DOCK9: variants seen among roughly 807,000 people sequenced by gnomAD.
The protein encoded by DOCK9 is dedicator of cytokinesis protein 9.
A neutral mutation model predicts 263.3 loss-of-function variants in DOCK9; 89 were observed. That is an observed-to-expected ratio of 0.34 (90% CI 0.28 to 0.40). DOCK9 has a LOEUF of 0.40. Among genes scored for constraint, DOCK9 ranks in the 10% least tolerant of loss-of-function variants. The probability of loss-of-function intolerance (pLI) is 1.00; values close to 1 mark genes in which losing one functional copy is unlikely to be tolerated. For missense variants in DOCK9, 2,140 were observed against 2,603.4 expected (o/e 0.82, Z 3.87); for synonymous variants, 976 against 973.1 (o/e 1.00, Z -0.06).
intron 19 of DOCK9, 90 bp downstream of exon 19, chr13:98,886,442 C>T: frequency 2.0e-6 from 2 of 981,610 alleles, no homozygotes; most frequent in Non-Finnish European, 3.1e-6. Context: ...TAATATGCAG[C>T]TTCTCTTGAA....
intron 35 of DOCK9, among the ~76,000 whole-genome samples, chr13:98,852,092 T>A (rs9584951): frequency 0.055 from 8,413 of 152,284 alleles, 599 homozygotes; most frequent in African/African-American, 0.15. Flanking sequence ...TAGGTCATAT[T>A]CAATATTTGA....
intron 1 of DOCK9, among the ~76,000 whole-genome samples, chr13:99,056,366 T>C (rs1195643450): frequency 1.3e-5 from 2 of 152,164 alleles, no homozygotes; most frequent in African/African-American, 4.8e-5. Context: ...GCAACAAATC[T>C]TACTGGAAAA....
chr13:99,079,490 T>C (rs1379666107), intron 1 of DOCK9, among the ~76,000 whole-genome samples: 1 of 152,190 alleles, frequency 6.6e-6, no homozygotes, highest in African/African-American at 2.4e-5. Context: ...TAATCAATCT[T>C]CTCCTTTAGT....
Position 98,860,474 on chromosome 13 carries a change from T to C in DOCK9, c.3628A>G (p.Thr1210Ala), listed in dbSNP as rs2093829499. ...LALPAVNPLV[T>A]PQKGSTLDNS... Reference sequence around the variant, plus strand: ...TCCAGGGTGCTTCCCTTCTGCGGCGTCACCAGCGGATTCACAGCTGGTAGA... The same window carrying C: ...TCCAGGGTGCTTCCCTTCTGCGGCGCCACCAGCGGATTCACAGCTGGTAGA... Residue 1210 changes from threonine (T) to alanine (A), a missense_variant, in exon 33 of 53, where the codon ACG (threonine) becomes GCG (alanine). This residue lies in a region of DOCK9 where 1,521 missense variants were observed against 1,741.7 expected (regional missense o/e 0.87). Coordinates refer to ENST00000682017, the MANE Select transcript of DOCK9 (RefSeq NM_001366683.2). The C allele has an allele frequency of 6.3e-7, 1 of 1,587,822 alleles. No homozygotes were observed. Among genetic ancestry groups the C allele is most frequent in the Non-Finnish European group, 8.6e-7 (1 of 1,165,936 alleles).
chr13:98,795,592 T>C (rs2089274200), intron 52 of DOCK9, among the ~76,000 whole-genome samples: 1 of 152,100 alleles, frequency 6.6e-6, no homozygotes, highest in Admixed American at 6.5e-5. Context: ...ACTTTCATCT[T>C]CTCTAGTGCC....
At position 98,998,795 on chromosome 13, in the gene DOCK9, G is replaced by A. The variant is rs117029056; in HGVS notation, c.130-43244C>T. On this transcript the variant is annotated intron_variant, in intron 1 of 32. Transcript: ENST00000427887. ...CCATATAGTCATGGAGAGAGGCGAA[G>A]GCACAGACAATCCAAGGCCTTCCAG... Among the ~76,000 whole-genome samples, 11 of 152,286 alleles carry A rather than the reference G, an allele frequency of 7.2e-5. No homozygotes were observed. The East Asian group carries it at 1.7e-3, about 24-fold the overall frequency.
chr13:98,835,043 C>T (rs560934921), intron 39 of DOCK9, among the ~76,000 whole-genome samples: 71 of 152,358 alleles, frequency 4.7e-4, no homozygotes, highest in African/African-American at 1.6e-3. Context: ...CCAGGCAGAG[C>T]TGTTGTGAAG....
chr13:98,898,247 C>T lies in DOCK9; in HGVS notation c.1518G>A (p.Val506=). The T allele has an allele frequency of 1.2e-6, 2 of 1,611,174 alleles. No individual in the cohort carries two copies. The highest frequency in any genetic ancestry group is 1.7e-4 in the Middle Eastern group (1 of 6,058). ...GGCATGCCTGCTTGGCATTCTTCAGCACCTTCTGGGCCACCTTGAAGACAT... is the reference window on the plus strand; with the variant it reads ...GGCATGCCTGCTTGGCATTCTTCAGTACCTTCTGGGCCACCTTGAAGACAT... The part of the protein sequence containing the change: ...SSDSSKVAQK[V]LKNAKQACQR... Residue 506 remains valine, a synonymous_variant, in exon 14 of 53, where the codon GTG becomes GTA. Coordinates refer to ENST00000682017, the MANE Select transcript of DOCK9 (RefSeq NM_001366683.2).
In DOCK9 at chr13:99,031,802, T is replaced by C. The variant is rs186038689; in HGVS notation, c.129+54421A>G. Among the ~76,000 whole-genome samples, 87 of 152,320 alleles carry C rather than the reference T, an allele frequency of 5.7e-4. 2 individuals are homozygous for C. The Middle Eastern group carries it at 0.014, about 24-fold the overall frequency. On this transcript the variant is annotated intron_variant, in intron 1 of 32. Transcript: ENST00000427887. ...ATGTTCCACCTTCTTCCATGGAAGA[T>C]GAGGAATTATTCCTAATGTTCCTGA...
At chr13:98,890,528 G>A (rs1416541174) in intron 15 of DOCK9, among the ~76,000 whole-genome samples, 2 of 152,186 alleles carry the variant, frequency 1.3e-5, no homozygotes, top group East Asian at 3.8e-4. Context: ...CTTAGTCTTA[G>A]GAAACACAAT....
At chr13:98,979,777 C>T (rs184890058), upstream of DOCK9, among the ~76,000 whole-genome samples, 1,208 of 152,230 alleles carry the variant, frequency 7.9e-3, 11 homozygotes, top group Non-Finnish European at 0.014. Context: ...AGAAAAAACT[C>T]TCACTTACCT....
At chr13:99,071,804 A>G (rs1335981590) in intron 1 of DOCK9, among the ~76,000 whole-genome samples, 1 of 152,172 alleles carries the variant, frequency 6.6e-6, no homozygotes, top group Admixed American at 6.5e-5. Flanking sequence ...AAAGGGATCC[A>G]TGCCATAAAA....
intron 33 of DOCK9, chr13:98,858,142 T>C (rs974085617): frequency 3.3e-5 from 5 of 152,242 alleles, no homozygotes; most frequent in Non-Finnish European, 5.9e-5. Context: ...AGTTTGTTCC[T>C]ATTTTTATGT....
rs151047416 is a variant in DOCK9 at position 99,054,824 on chromosome 13, C to T, written c.129+31399G>A. On this transcript the variant is annotated intron_variant, in intron 1 of 32. Transcript: ENST00000427887. ...ATGAGGCTGAACCTTATACCACCTT[C>T]CATCTGTGCTTGCCTTTACTACGAG... Among the ~76,000 whole-genome samples, 44 of 152,308 alleles carry T rather than the reference C, an allele frequency of 2.9e-4. 1 individual carries two copies. The highest frequency in any genetic ancestry group is 1.0e-3 in the African/African-American group (43 of 41,552).
At position 98,863,822 on chromosome 13, in the gene DOCK9, T is replaced by C. The variant is rs564387989; in HGVS notation, c.3287-274A>G. Reference sequence around the variant, plus strand: ...ACATATTGCATCCTACATAATTAAATTAGTGAACAGTTTAAGTACCAATTT... The same window carrying C: ...ACATATTGCATCCTACATAATTAAACTAGTGAACAGTTTAAGTACCAATTT... On this transcript the variant is annotated intron_variant, in intron 30 of 52. Transcript: ENST00000682017. 2.0e-5 allele frequency among the ~76,000 whole-genome samples: 3 copies of C among 152,320 alleles called. No individual in the cohort carries two copies. In the South Asian group the frequency reaches 6.2e-4, roughly 32 times the overall value.
chr13:99,040,374 A>G (rs754422432), intron 1 of DOCK9, among the ~76,000 whole-genome samples: 1 of 152,228 alleles, frequency 6.6e-6, no homozygotes, highest in Non-Finnish European at 1.5e-5. Flanking sequence ...AGTCAGCAGG[A>G]GCAATAATCT....
chr13:98,881,812 T>C lies in DOCK9; in HGVS notation c.2675+80A>G, dbSNP rs915184892. 3.8e-6 allele frequency: 5 copies of C among 1,327,056 alleles called. No individual in the cohort carries two copies. In the African/African-American group the frequency reaches 5.8e-5, roughly 16 times the overall value. The allele number at this position is 1,327,056 out of a possible 1,614,324, so 82.2% of individuals were successfully genotyped here. On this transcript the variant is annotated intron_variant, in intron 24 of 52. Transcript: ENST00000682017. Reference sequence around the variant, plus strand: ...CTTAAATGTAATGTTCAGCACACAGTAGCATCCCAGCTATGCATGACTATG... The same window carrying C: ...CTTAAATGTAATGTTCAGCACACAGCAGCATCCCAGCTATGCATGACTATG...
chr13:99,034,679 G>T (rs1887682728), intron 1 of DOCK9, among the ~76,000 whole-genome samples: 1 of 152,186 alleles, frequency 6.6e-6, no homozygotes, highest in Admixed American at 6.5e-5. Flanking sequence ...GACCTGAGTA[G>T]GCTCCAATTT....
intron 38 of DOCK9, among the ~76,000 whole-genome samples, chr13:98,841,616 ATTTTTTT>A (rs763770697): frequency 1.8e-4 from 25 of 137,384 alleles, no homozygotes; most frequent in African/African-American, 6.3e-4. Flanking sequence ...TATGAACAAA[ATTTTTTT>A]TTTTTTTTTT....
Sources: gnomAD v4.1 joint callset for allele counts (sites outside exome capture counted in the v4.1 genomes callset) on GRCh38, gnomAD v4.1.1 for gene constraint, gnomAD v4.1.1 regional missense constraint, MANE v1.5 for transcripts, NCBI Gene and HGNC (gene_info 2026-07-23, HGNC 2026-07-21) for gene names.